The following ZNF532 variants were observed in gnomAD, a reference collection of about 807,000 sequenced individuals.
ZNF532 encodes zinc finger protein 532.
A neutral mutation model predicts 89.3 loss-of-function variants in ZNF532; 22 were observed. The ratio of observed to expected loss-of-function variants is 0.25; its 90% CI spans 0.18 to 0.35. The LOEUF (loss-of-function observed/expected upper bound fraction) is 0.35. ZNF532 is among the 10% of genes least tolerant of loss of function. The pLI is 1.00. For synonymous variants in ZNF532, 606 were observed against 649.6 expected (o/e 0.93, Z 1.02); for missense variants, 1,132 against 1,643.4 (o/e 0.69, Z 5.38).
intron 7 of ZNF532, among the ~76,000 whole-genome samples, chr18:58,972,130 A>G (rs912566506): frequency 2.0e-5 from 3 of 152,188 alleles, no homozygotes; most frequent in Non-Finnish European, 4.4e-5. Flanking sequence ...CTTGAATCCC[A>G]GGGCAGAGGC....
At chr18:58,906,137 C>CT (rs561952795) in intron 2 of ZNF532, among the ~76,000 whole-genome samples, 63 of 152,276 alleles carry the variant, frequency 4.1e-4, no homozygotes, top group African/African-American at 1.5e-3. Context: ...GGTAAAGTTG[C>CT]TTTTTTCTCC....
intron 2 of ZNF532, among the ~76,000 whole-genome samples, chr18:58,867,693 G>A (rs1181065177): frequency 1.3e-5 from 2 of 152,202 alleles, no homozygotes; most frequent in African/African-American, 2.4e-5. Context: ...CATCCCCTCC[G>A]GAGCAGGAAT....
intron 7 of ZNF532, among the ~76,000 whole-genome samples, chr18:58,955,016 A>C (rs2064624130): frequency 6.6e-6 from 1 of 152,160 alleles, no homozygotes; most frequent in South Asian, 2.1e-4. Flanking sequence ...GCCCAGCTGG[A>C]ATTTGATACT....
rs2058549807 is a variant in ZNF532, at chr18:58,888,756, A to AAATATATATATAATTTATATATATAT, written c.-18+23180_-18+23181insATATATATAATTTATATATATATAAT. Among the ~76,000 whole-genome samples the AAATATATATATAATTTATATATATAT allele has an allele frequency of 1.4e-4, 5 of 35,388 alleles. 2 individuals carry two copies. In the Admixed American group the frequency reaches 2.4e-3, roughly 17 times the overall value. 23.2% of individuals were successfully genotyped at this position (35,388 alleles called of 152,430 possible). A position where few individuals can be genotyped will look rare whatever the true frequency, so the allele number is the denominator to read the frequency against. On this transcript the variant is annotated intron_variant, in intron 2 of 9. Transcript: ENST00000591808. ...TATATATATATTTTATATATATATA[A>AAATATATATATAATTTATATATATAT]AATTAATATATATAATTTATATATA... is the stretch of plus-strand genomic sequence containing the variant.
At chr18:58,926,897 A>G (rs938884577) in intron 3 of ZNF532, among the ~76,000 whole-genome samples, 1 of 152,074 alleles carries the variant, frequency 6.6e-6, no homozygotes, top group Non-Finnish European at 1.5e-5. Flanking sequence ...GTCAAGCTGC[A>G]TATTTCTTTT....
chr18:58,865,209 A>G lies in ZNF532; in HGVS notation c.-304A>G, dbSNP rs2056346042. ...TCTCTCTCTCTCTTTCTCGGTGTTT[A>G]TAACAAAACAAAACCAAAATGAACT... On this transcript the variant is annotated 5_prime_UTR_variant, in exon 1 of 10. Coordinates refer to ENST00000591808, the MANE Select transcript of ZNF532 (RefSeq NM_001375912.1). The G allele has an allele frequency of 6.6e-6, 1 of 152,064 alleles. No individual in the cohort carries two copies. Among genetic ancestry groups the G allele is most frequent in the Non-Finnish European group, 1.5e-5 (1 of 68,004 alleles). 9.4% of individuals were successfully genotyped at this position (152,064 alleles called of 1,614,324 possible).
At chr18:58,980,870 G>C (rs1038425298) in intron 8 of ZNF532, 1 of 152,766 alleles carries the variant, frequency 6.5e-6, no homozygotes, top group African/African-American at 2.4e-5. Flanking sequence ...TCAAACTTCC[G>C]ACCTCAGGTG....
chr18:58,944,329 C>T lies in ZNF532; in HGVS notation c.2706-3738C>T, dbSNP rs186003775. 2.6e-4 allele frequency among the ~76,000 whole-genome samples: 40 copies of T among 152,150 alleles called. No homozygotes were observed. The East Asian group carries it at 6.2e-3, about 23-fold the overall frequency. ...TTTAGCTTTTTATTCTTTTCTCTTT[C>T]TCCTTCCTTTCCCGCTCCCCCTCTC... is the stretch of plus-strand genomic sequence containing the variant. On this transcript the variant is annotated intron_variant, in intron 5 of 9. Coordinates refer to ENST00000591808, the MANE Select transcript of ZNF532 (RefSeq NM_001375912.1).
rs59983153 is a variant in ZNF532 at position 58,930,627 on chromosome 18, C to CAA, written c.2347-3786_2347-3785dup. ...TGGGCAACAGAGTGAGACTCCATCTCAAAAAAAAAAAAAAAAAAAAAGTAC... is the reference window on the plus strand; with the variant it reads ...TGGGCAACAGAGTGAGACTCCATCTCAAAAAAAAAAAAAAAAAAAAAAAGTAC... On this transcript the variant is annotated intron_variant, in intron 3 of 9. Transcript: ENST00000591808. Among the ~76,000 whole-genome samples the CAA allele has an allele frequency of 2.6e-3, 210 of 81,160 alleles. 2 individuals carry two copies. Among genetic ancestry groups the CAA allele is most frequent in the East Asian group, 0.014 (41 of 2,846 alleles). 53.2% of individuals were successfully genotyped at this position (81,160 alleles called of 152,430 possible). A position where few individuals can be genotyped will look rare whatever the true frequency, so the allele number is the denominator to read the frequency against.
chr18:58,983,822 G>A (rs538792438), intron 9 of ZNF532, 150 bp from the exon 10 acceptor site: 193 of 898,432 alleles, frequency 2.1e-4, no homozygotes, highest in Middle Eastern at 1.4e-3. Context: ...GGGCCTCCGG[G>A]TGGGGTGGCA....
chr18:58,894,799 ATGT>A (rs936447152), intron 2 of ZNF532, among the ~76,000 whole-genome samples: 15 of 152,268 alleles, frequency 9.9e-5, no homozygotes, highest in East Asian at 3.9e-4. Flanking sequence ...TTCTAGGTTA[ATGT>A]TGTTGTCTAC....
intron 2 of ZNF532, among the ~76,000 whole-genome samples, chr18:58,867,388 G>A (rs556524283): frequency 2.8e-4 from 42 of 152,284 alleles, no homozygotes; most frequent in African/African-American, 1.0e-3. Flanking sequence ...GCTGCTGAGG[G>A]TTGGAGAGCT....
At chr18:58,888,761 A>ATATATATTTTATATATATATAAAATAT (rs1450919884) in intron 2 of ZNF532, among the ~76,000 whole-genome samples, 1 of 9,438 alleles carries the variant, frequency 1.1e-4, no homozygotes, top group Non-Finnish European at 3.4e-4. Flanking sequence ...ATATAAAATT[A>ATATATATTTTATATATATATAAAATAT]ATATATATAA....
chr18:58,950,572 G>T (rs73439966), intron 6 of ZNF532, among the ~76,000 whole-genome samples: 2,832 of 152,088 alleles, frequency 0.019, 105 homozygotes, highest in African/African-American at 0.065. Flanking sequence ...AGAGGAAGTG[G>T]AACAGGCACA....
At chr18:58,891,574 A>T (rs2058907937) in intron 2 of ZNF532, among the ~76,000 whole-genome samples, 1 of 152,286 alleles carries the variant, frequency 6.6e-6, no homozygotes, top group Admixed American at 6.5e-5. Flanking sequence ...ACGAACATTT[A>T]AAAAAATCAG....
intron 7 of ZNF532, among the ~76,000 whole-genome samples, chr18:58,959,811 A>G (rs1462307319): frequency 1.3e-5 from 2 of 152,204 alleles, no homozygotes; most frequent in African/African-American, 4.8e-5. Flanking sequence ...TTTTCTCTCT[A>G]TACTGTATTT....
chr18:58,986,137 A>G lies in ZNF532; in HGVS notation c.*1671A>G, dbSNP rs915484230. On this transcript the variant is annotated 3_prime_UTR_variant, in exon 10 of 10. Coordinates refer to ENST00000591808, the MANE Select transcript of ZNF532 (RefSeq NM_001375912.1). Reference sequence around the variant, plus strand: ...TTGTTGACTCCATCAGTACATGGGTACAATCCGAGGGTGTGAATTTCAGCT... The same window carrying G: ...TTGTTGACTCCATCAGTACATGGGTGCAATCCGAGGGTGTGAATTTCAGCT... 10 of 152,650 alleles carry G rather than the reference A, an allele frequency of 6.6e-5. No individual in the cohort carries two copies. The highest frequency in any genetic ancestry group is 1.3e-4 in the Admixed American group (2 of 15,282). The allele number at this position is 152,650 out of a possible 1,614,324, so 9.5% of individuals were successfully genotyped here. A position where few individuals can be genotyped will look rare whatever the true frequency, so the allele number is the denominator to read the frequency against.
At chr18:58,901,451 G>A (rs766629628) in intron 2 of ZNF532, among the ~76,000 whole-genome samples, 14 of 152,142 alleles carry the variant, frequency 9.2e-5, no homozygotes, top group African/African-American at 1.2e-4. Flanking sequence ...CTGAGTCCAC[G>A]CCCCTCCGAT....
intron 2 of ZNF532, among the ~76,000 whole-genome samples, chr18:58,899,417 C>G (rs1262037458): frequency 1.3e-5 from 2 of 152,076 alleles, no homozygotes; most frequent in Non-Finnish European, 2.9e-5. Flanking sequence ...TGTATTATTT[C>G]TGTAATAATG....
Sources: allele counts gnomAD v4.1 joint callset (sites outside exome capture counted in the v4.1 genomes callset), GRCh38; gene constraint gnomAD v4.1.1; transcripts MANE v1.5; gene names NCBI Gene and HGNC (gene_info 2026-07-23, HGNC 2026-07-21).